The following DLG1 variants were observed in gnomAD, a reference collection of about 807,000 sequenced individuals.
DLG1 encodes disks large homolog 1.
DLG1 carries 42 observed loss-of-function variants against 123.4 expected under a neutral mutation model. The ratio of observed to expected loss-of-function variants is 0.34; its 90% CI spans 0.27 to 0.44. The LOEUF (loss-of-function observed/expected upper bound fraction) is 0.44. Among genes scored for constraint, DLG1 ranks in the 20% least tolerant of loss-of-function variants. The pLI, the probability that DLG1 is intolerant of heterozygous loss-of-function variation, is 1.00. For synonymous variants in DLG1, 317 were observed against 356.2 expected, an observed-to-expected ratio of 0.89 and a Z score of 1.24; for missense variants, 942 against 1,082.6, an observed-to-expected ratio of 0.87 and a Z score of 1.82.
intron 5 of DLG1, among the ~76,000 whole-genome samples, chr3:197,169,661 C>T (rs987045212): frequency 1.3e-5 from 2 of 152,166 alleles, no homozygotes; most frequent in East Asian, 3.8e-4. Flanking sequence ...AACATACTAT[C>T]TGATAGCTAA....
intron 4 of DLG1, among the ~76,000 whole-genome samples, chr3:197,249,435 T>A (rs1005242154): frequency 6.6e-6 from 1 of 151,720 alleles, no homozygotes; most frequent in South Asian, 2.1e-4. Context: ...TTAAAATTTT[T>A]AAAAATAAAA....
chr3:197,289,892 T>G (rs551060813), intron 3 of DLG1, among the ~76,000 whole-genome samples: 1 of 152,234 alleles, frequency 6.6e-6, no homozygotes, highest in African/African-American at 2.4e-5. Flanking sequence ...TAGATACTAT[T>G]AGACTAAGAA....
chr3:197,204,446 TAGG>T (rs1310860742), intron 4 of DLG1, among the ~76,000 whole-genome samples: 1 of 152,216 alleles, frequency 6.6e-6, no homozygotes, highest in African/African-American at 2.4e-5. Flanking sequence ...TACTTTGTGA[TAGG>T]AACTACAGAA....
chr3:197,135,328 C>T (rs904038123), intron 10 of DLG1, among the ~76,000 whole-genome samples: 2 of 152,152 alleles, frequency 1.3e-5, no homozygotes, highest in East Asian at 1.9e-4. Flanking sequence ...GATTAGATCA[C>T]GGAGGTGGCT....
chr3:197,174,398 A>C (rs879508172), intron 5 of DLG1, among the ~76,000 whole-genome samples: 9 of 152,216 alleles, frequency 5.9e-5, no homozygotes, highest in African/African-American at 2.2e-4. Context: ...TTTCACCTAC[A>C]GTTCTTTAAA....
intron 4 of DLG1, among the ~76,000 whole-genome samples, chr3:197,204,545 T>C (rs1385447248): frequency 6.6e-6 from 1 of 152,228 alleles, no homozygotes; most frequent in African/African-American, 2.4e-5. Flanking sequence ...TTAGGTACAA[T>C]TAAACTATTG....
chr3:197,073,149 T>C (rs982344210), intron 18 of DLG1, among the ~76,000 whole-genome samples: 2 of 152,248 alleles, frequency 1.3e-5, no homozygotes, highest in Non-Finnish European at 2.9e-5. Context: ...GAAACTACTC[T>C]TACATCTTAT....
chr3:197,188,090 T>C (rs1224042415), intron 5 of DLG1, among the ~76,000 whole-genome samples: 2 of 152,332 alleles, frequency 1.3e-5, no homozygotes, highest in African/African-American at 2.4e-5. Flanking sequence ...GCATGTTTCA[T>C]GGTGGCAAAC....
chr3:197,219,664 T>C (rs1424648204), intron 4 of DLG1, among the ~76,000 whole-genome samples: 1 of 152,108 alleles, frequency 6.6e-6, no homozygotes, highest in Non-Finnish European at 1.5e-5. Flanking sequence ...ATGTGGCCAT[T>C]AGGGTGTGGT....
chr3:197,167,788 T>C (rs1802160091), intron 5 of DLG1, among the ~76,000 whole-genome samples: 1 of 151,834 alleles, frequency 6.6e-6, no homozygotes, highest in African/African-American at 2.4e-5. Flanking sequence ...GCCACTGCCA[T>C]AATCAAAGTA....
intron 6 of DLG1, among the ~76,000 whole-genome samples, chr3:197,147,727 C>T (rs1241190272): frequency 6.6e-6 from 1 of 151,874 alleles, no homozygotes; most frequent in African/African-American, 2.4e-5. Context: ...GTATACACTG[C>T]TCAGATGATG....
intron 4 of DLG1, among the ~76,000 whole-genome samples, chr3:197,207,274 T>C (rs1156336535): frequency 6.6e-6 from 1 of 152,152 alleles, no homozygotes; most frequent in Non-Finnish European, 1.5e-5. Context: ...AGCAATTAGA[T>C]GGTACAAGGA....
intron 5 of DLG1, among the ~76,000 whole-genome samples, chr3:197,190,956 G>T (rs1024197477): frequency 1.3e-5 from 2 of 152,184 alleles, no homozygotes; most frequent in African/African-American, 4.8e-5. Context: ...CTTGCAGTGA[G>T]CCGAGATCGC....
In DLG1 at chr3:197,119,481, G is replaced by A. The variant is rs1265190550; in HGVS notation, c.1215C>T (p.Gly405=). The A allele has an allele frequency of 6.2e-7, 1 of 1,611,578 alleles. No individual in the cohort carries two copies. Among genetic ancestry groups the A allele is most frequent in the Non-Finnish European group, 8.5e-7 (1 of 1,178,328 alleles). The change falls in exon 12 of 25, where the codon GGC becomes GGT. Residue 405 remains glycine (G), a synonymous_variant. Transcript: ENST00000667157. The stretch of plus-strand genomic sequence containing the variant: ...ATCTGGCTGGAGATGCTGGTGTCTG[G>A]CCCAAGAAGGAAGATGGGCTAACAT... The part of the protein sequence containing the change: ...DNHVSPSSFL[G]QTPASPARYS...
chr3:197,277,395 A>C (rs1176882195), intron 4 of DLG1, among the ~76,000 whole-genome samples: 1 of 151,188 alleles, frequency 6.6e-6, no homozygotes, highest in African/African-American at 2.4e-5. Flanking sequence ...CAGTGGTACG[A>C]TCTTGCCTTC....
rs1787279255 is a variant in DLG1, at chr3:197,140,178, A to G, written c.675T>C (p.Ile225=). The part of the protein sequence containing the change: ...GDDSSIFITK[I]ITGGAAAQDG... ...CTTGGGCGGCTGCTCCCCCTGTGAT[A>G]ATTTTGGTAATGAAAATACTTGAGT... Residue 225 remains isoleucine (I), a synonymous_variant, in exon 8 of 25, where the codon ATT becomes ATC. Coordinates refer to ENST00000667157, the MANE Select transcript of DLG1 (RefSeq NM_001366207.1). 1 of 1,613,596 alleles carries G rather than the reference A, an allele frequency of 6.2e-7. No homozygotes were observed. The highest frequency in any genetic ancestry group is 8.5e-7 in the Non-Finnish European group (1 of 1,179,688).
intron 5 of DLG1, among the ~76,000 whole-genome samples, chr3:197,163,315 C>T (rs1227190544): frequency 6.6e-6 from 1 of 152,112 alleles, no homozygotes; most frequent in Non-Finnish European, 1.5e-5. Flanking sequence ...TAAAAACCAA[C>T]CATAGAATCA....
intron 4 of DLG1, among the ~76,000 whole-genome samples, chr3:197,207,142 C>CCTTTACGCAAAGTTTGCTCTTTGCT (rs1166315510): frequency 6.6e-6 from 1 of 152,188 alleles, no homozygotes; most frequent in Non-Finnish European, 1.5e-5. Context: ...ACTATCTGGT[C>CCTTTACGCAAAGTTTGCTCTTTGCT]CTTTACGCAA....
At chr3:197,179,109 G>T (rs1230384599) in intron 5 of DLG1, among the ~76,000 whole-genome samples, 1 of 152,188 alleles carries the variant, frequency 6.6e-6, no homozygotes, top group Non-Finnish European at 1.5e-5. Context: ...ATAAGACCAG[G>T]AATCAGGTAT....
Sources: gnomAD v4.1 joint callset for allele counts (sites outside exome capture counted in the v4.1 genomes callset) on GRCh38, gnomAD v4.1.1 for gene constraint, MANE v1.5 for transcripts, NCBI Gene and HGNC (gene_info 2026-07-23, HGNC 2026-07-21) for gene names.